CABLES1: variants seen among roughly 807,000 people sequenced by gnomAD.
The protein encoded by CABLES1 is Cdk5 and Abl enzyme substrate 1.
In CABLES1, 36 loss-of-function variants were observed where a neutral mutation model predicts 57.8. The ratio of observed to expected loss-of-function variants is 0.62; its 90% CI spans 0.48 to 0.82. The LOEUF (loss-of-function observed/expected upper bound fraction) is 0.82, where lower values mean the gene tolerates loss of function less well. CABLES1 is among the 40% of genes least tolerant of loss of function. The pLI is 0.00. For missense variants in CABLES1, 767 were observed against 836.6 expected (o/e 0.92, Z 1.03); for synonymous variants, 374 against 363.0 (o/e 1.03, Z -0.35).
chr18:23,135,675 G>C lies in CABLES1; in HGVS notation c.-88G>C, dbSNP rs1053845775. On this transcript the variant is annotated 5_prime_UTR_variant, in exon 1 of 10. Coordinates refer to ENST00000256925, the MANE Select transcript of CABLES1 (RefSeq NM_001100619.3). ...CCGATCCCCGCGCCCTACCCAGCCC[G>C]GGTCGCCGCCGCTCGCGCCCGCCGC... 90 of 978,678 alleles carry C rather than the reference G, an allele frequency of 9.2e-5. No individual in the cohort carries two copies. The South Asian group carries it at 2.8e-3, about 31-fold the overall frequency. 60.6% of individuals were successfully genotyped at this position (978,678 alleles called of 1,614,324 possible).
intron 4 of CABLES1, among the ~76,000 whole-genome samples, chr18:23,224,927 G>A (rs1454685201): frequency 1.3e-5 from 2 of 152,046 alleles, no homozygotes; most frequent in Non-Finnish European, 2.9e-5. Context: ...GAGTGCAGTA[G>A]TGCAATCTCA....
intron 3 of CABLES1, among the ~76,000 whole-genome samples, chr18:23,198,679 G>A (rs1256970421): frequency 6.6e-6 from 1 of 152,214 alleles, no homozygotes; most frequent in Non-Finnish European, 1.5e-5. Flanking sequence ...GACTCCTCTG[G>A]CTTTGCTGGC....
chr18:23,193,284 C>T (rs979806989), intron 2 of CABLES1, among the ~76,000 whole-genome samples: 5 of 151,908 alleles, frequency 3.3e-5, no homozygotes, highest in African/African-American at 7.3e-5. Flanking sequence ...CTCGGCCTCC[C>T]GGGTTGAAGC....
At chr18:23,195,351 T>C (rs748463233) in intron 3 of CABLES1, among the ~76,000 whole-genome samples, 1 of 152,210 alleles carries the variant, frequency 6.6e-6, no homozygotes, top group Non-Finnish European at 1.5e-5. Context: ...GCTGAGGTCC[T>C]GCTGCAGAAG....
chr18:23,176,637 A>G (rs1006606586), intron 1 of CABLES1, among the ~76,000 whole-genome samples: 1 of 152,118 alleles, frequency 6.6e-6, no homozygotes, highest in African/African-American at 2.4e-5. Context: ...CCAGAAAGGA[A>G]TCTGAGGTAA....
intron 1 of CABLES1, among the ~76,000 whole-genome samples, chr18:23,162,244 A>G (rs377037330): frequency 8.5e-5 from 13 of 152,362 alleles, no homozygotes; most frequent in African/African-American, 3.1e-4. Context: ...ATAAAGGCCT[A>G]CAATTTTAAA....
chr18:23,161,050 A>T (rs570067939), intron 1 of CABLES1, among the ~76,000 whole-genome samples: 1 of 152,064 alleles, frequency 6.6e-6, no homozygotes, highest in Admixed American at 6.5e-5. Flanking sequence ...AGAGAGAAGA[A>T]AATGTGAAAA....
At chr18:23,244,636 G>A (rs1473932429) in intron 7 of CABLES1, among the ~76,000 whole-genome samples, 1 of 152,236 alleles carries the variant, frequency 6.6e-6, no homozygotes, top group Non-Finnish European at 1.5e-5. Context: ...GAGCCCGAAT[G>A]CCGGTATACA....
intron 1 of CABLES1, among the ~76,000 whole-genome samples, chr18:23,154,977 A>G (rs760995511): frequency 2.0e-5 from 3 of 152,204 alleles, no homozygotes; most frequent in Non-Finnish European, 2.9e-5. Flanking sequence ...GAATGACTAA[A>G]CCAGACTTTT....
intron 3 of CABLES1, among the ~76,000 whole-genome samples, chr18:23,212,670 G>A (rs1258364279): frequency 6.6e-6 from 1 of 152,126 alleles, no homozygotes; most frequent in Non-Finnish European, 1.5e-5. Context: ...CCCCTGCCCG[G>A]ACTCACCCTC....
chr18:23,142,988 G>A (rs140955486), intron 1 of CABLES1, among the ~76,000 whole-genome samples: 109 of 152,324 alleles, frequency 7.2e-4, no homozygotes, highest in Middle Eastern at 6.8e-3. Context: ...TGGAAGCACA[G>A]AGAAGTTAAG....
intron 1 of CABLES1, among the ~76,000 whole-genome samples, chr18:23,169,517 G>A (rs1262223864): frequency 1.3e-5 from 2 of 152,316 alleles, no homozygotes; most frequent in East Asian, 3.9e-4. Context: ...TCACAGAGAA[G>A]TGCCTGGTCT....
At chr18:23,167,130 T>A (rs1467883126) in intron 1 of CABLES1, among the ~76,000 whole-genome samples, 1 of 152,230 alleles carries the variant, frequency 6.6e-6, no homozygotes, top group Non-Finnish European at 1.5e-5. Flanking sequence ...CAGCGGAAAT[T>A]ATTTCCCCTA....
chr18:23,154,882 A>G (rs1568045749), intron 1 of CABLES1, among the ~76,000 whole-genome samples: 2 of 152,232 alleles, frequency 1.3e-5, no homozygotes, highest in Non-Finnish European at 2.9e-5. Flanking sequence ...ACTGTTCAAC[A>G]CTTGCACTGT....
chr18:23,147,242 C>T (rs2046897156), intron 1 of CABLES1, among the ~76,000 whole-genome samples: 1 of 152,232 alleles, frequency 6.6e-6, no homozygotes, highest in South Asian at 2.1e-4. Context: ...GCCTCTGTCT[C>T]AGCAAAATGG....
chr18:23,202,712 C>T (rs1423009763), intron 3 of CABLES1, among the ~76,000 whole-genome samples: 6 of 151,700 alleles, frequency 4.0e-5, no homozygotes, highest in Admixed American at 2.0e-4. Flanking sequence ...TCGGCCAGGG[C>T]GTGGTGGCTC....
rs561530950 is a variant in CABLES1 at position 23,205,032 on chromosome 18, C to T, written c.1011-8945C>T. Among the ~76,000 whole-genome samples, 10 of 152,244 alleles carry T rather than the reference C, an allele frequency of 6.6e-5. No homozygotes were observed. In the East Asian group the frequency reaches 1.7e-3, roughly 26 times the overall value. Reference sequence around the variant, plus strand: ...CCCAGAGGAGACATCAGTCCTTGGTCTGCACCATTGGTCTGCAACACATTG... The same window carrying T: ...CCCAGAGGAGACATCAGTCCTTGGTTTGCACCATTGGTCTGCAACACATTG... On this transcript the variant is annotated intron_variant, in intron 3 of 9. Coordinates refer to ENST00000256925, the MANE Select transcript of CABLES1 (RefSeq NM_001100619.3).
At chr18:23,246,557 A>T (rs1252546130) in intron 7 of CABLES1, among the ~76,000 whole-genome samples, 1 of 151,674 alleles carries the variant, frequency 6.6e-6, no homozygotes, top group African/African-American at 2.4e-5. Context: ...ACACCCGGCT[A>T]ATTTTTTGTG....
chr18:23,180,754 C>G (rs1350155429), intron 1 of CABLES1, among the ~76,000 whole-genome samples: 2 of 152,154 alleles, frequency 1.3e-5, no homozygotes, highest in Non-Finnish European at 2.9e-5. Context: ...CAAACAGTTA[C>G]AAACTACAGA....
Sources: gnomAD v4.1 joint callset for allele counts (sites outside exome capture counted in the v4.1 genomes callset) on GRCh38, gnomAD v4.1.1 for gene constraint, MANE v1.5 for transcripts, NCBI Gene and HGNC (gene_info 2026-07-23, HGNC 2026-07-21) for gene names.